The following DNAH10 variants were observed in gnomAD, a reference collection of about 807,000 sequenced individuals.
DNAH10 encodes the protein dynein axonemal heavy chain 10, also known as axonemal beta dynein heavy chain 10.
Under a neutral mutation model 506.6 loss-of-function variants are expected in DNAH10, and 348 were observed. The ratio of observed to expected loss-of-function variants is 0.69; its 90% confidence interval spans 0.63 to 0.75. The LOEUF (loss-of-function observed/expected upper bound fraction) is 0.75, where lower values mean the gene tolerates loss of function less well. Among genes scored for constraint, DNAH10 ranks in the 30% least tolerant of loss-of-function variants. The probability of loss-of-function intolerance (pLI) is 0.00; values close to 1 mark genes in which losing one functional copy is unlikely to be tolerated. For missense variants in DNAH10, 5,179 were observed against 5,787.1 expected, an observed-to-expected ratio of 0.89 and a Z score of 3.41; for synonymous variants, 2,059 against 2,198.6, an observed-to-expected ratio of 0.94 and a Z score of 1.78.
At chr12:123,819,698 C>CTT (rs1959210918) in intron 23 of DNAH10, among the ~76,000 whole-genome samples, 1 of 135,152 alleles carries the variant, frequency 7.4e-6, no homozygotes, top group Non-Finnish European at 1.6e-5. Context: ...TACTAAAATT[C>CTT]TGTTTTTTTT....
chr12:123,847,213 TC>T, intron 32 of DNAH10, among the ~76,000 whole-genome samples: 8 of 146,168 alleles, frequency 5.5e-5, no homozygotes, highest in Non-Finnish European at 1.5e-5. Context: ...CATCCATCCA[TC>T]CTATTATCTA....
intron 52 of DNAH10, among the ~76,000 whole-genome samples, chr12:123,889,987 C>T (rs1372722499): frequency 7.2e-5 from 11 of 152,286 alleles, no homozygotes; most frequent in South Asian, 2.1e-4. Flanking sequence ...CCCCTGTGAT[C>T]GTCTCCAGCC....
intron 38 of DNAH10, among the ~76,000 whole-genome samples, chr12:123,860,109 TC>T (rs1274726720): frequency 6.6e-6 from 1 of 151,798 alleles, no homozygotes; most frequent in Non-Finnish European, 1.5e-5. Context: ...GATTCCTGAC[TC>T]CTCACTTCTC....
chr12:123,809,749 A>G (rs1958857574), intron 19 of DNAH10, among the ~76,000 whole-genome samples: 1 of 152,152 alleles, frequency 6.6e-6, no homozygotes, highest in Admixed American at 6.5e-5. Context: ...CTTGGAACAT[A>G]ATCCAGATAT....
In DNAH10 at chr12:123,800,271, T is replaced by G; in HGVS notation, c.2345T>G (p.Ile782Ser). 9.3e-6 allele frequency: 15 copies of G among 1,614,066 alleles called. No individual in the cohort carries two copies. The highest frequency in any genetic ancestry group is 1.3e-5 in the Non-Finnish European group (15 of 1,180,008). ...STLERGAVFA[I>S]NFSPALREII... is the part of the protein sequence containing the mutation. ...TTAGAAAGGGGAGCTGTTTTTGCAA[T>G]CAACTTTTCACCGGCTCTCAGAGAG... is the stretch of plus-strand genomic sequence containing the variant. Residue 782 changes from isoleucine (I) to serine (S), a missense_variant, in exon 15 of 79, where the codon ATC becomes AGC. Physicochemically the swap from Ile to Ser is moderately radical, Grantham distance 142 (BLOSUM62 -2). Transcript: ENST00000673944.
chr12:123,774,312 C>A (rs1957360439), intron 5 of DNAH10, 48 bp downstream of exon 5: 1 of 1,428,294 alleles, frequency 7.0e-7, no homozygotes, highest in South Asian at 1.3e-5. Flanking sequence ...AAGTTGAGGT[C>A]ATGTGGTTTG....
At chr12:123,865,212 G>A (rs541854892) in intron 40 of DNAH10, among the ~76,000 whole-genome samples, 1 of 152,004 alleles carries the variant, frequency 6.6e-6, no homozygotes, top group Non-Finnish European at 1.5e-5. Context: ...TCTAGAGTTT[G>A]TAATTGCCTT....
chr12:123,847,102 T>TA (rs1950975723), intron 32 of DNAH10, among the ~76,000 whole-genome samples: 1 of 128,110 alleles, frequency 7.8e-6, no homozygotes, highest in African/African-American at 4.6e-5. Flanking sequence ...CTATCTAATC[T>TA]ATCTATCTTA....
intron 26 of DNAH10, among the ~76,000 whole-genome samples, chr12:123,832,068 A>G (rs1039321984): frequency 1.3e-5 from 2 of 152,192 alleles, no homozygotes; most frequent in African/African-American, 2.4e-5. Flanking sequence ...GTAGACACAT[A>G]TGCATGCAAA....
rs568485698 is a variant in DNAH10, at chr12:123,934,714, A to G, written c.13571A>G (p.Asp4524Gly). 4 of 1,605,004 alleles carry G rather than the reference A, an allele frequency of 2.5e-6. No individual in the cohort carries two copies. The African/African-American group carries it at 4.0e-5, about 16-fold the overall frequency. ...AGCAAACCCAAGGTGCTGGTTGTGG[A>G]CCTGCCGATCCTGAAGATCATCCCC... ...IKSKPKVLVV[D>G]LPILKIIPIE... Residue 4524 changes from aspartate (D) to glycine (G), a missense_variant, in exon 78 of 79, where the codon GAC (aspartate) becomes GGC (glycine). Coordinates refer to ENST00000673944, the MANE Select transcript of DNAH10 (RefSeq NM_001372106.1).
At chr12:123,852,835 A>G (rs768982821) in intron 35 of DNAH10, among the ~76,000 whole-genome samples, 20 of 152,166 alleles carry the variant, frequency 1.3e-4, no homozygotes, top group Admixed American at 2.6e-4. Flanking sequence ...TGGCGTCCCA[A>G]AGTGCTGGGA....
At position 123,914,439 on chromosome 12, in the gene DNAH10, G is replaced by GT; in HGVS notation, c.10464dup (p.Asp3489Ter). 6.2e-7 allele frequency: 1 copy of GT among 1,613,768 alleles called. No individual in the cohort carries two copies. The highest frequency in any genetic ancestry group is 8.5e-7 in the Non-Finnish European group (1 of 1,179,908). Reference sequence around the variant, plus strand: ...GAGGGAGCCTTCACCTGGGAGTTCCGTGACGAGATGGTCAATCGGATTTGG... The same window carrying GT: ...GAGGGAGCCTTCACCTGGGAGTTCCGTTGACGAGATGGTCAATCGGATTTGG... On this transcript the variant is annotated frameshift_variant, in exon 61 of 79. Coordinates refer to ENST00000673944, the MANE Select transcript of DNAH10 (RefSeq NM_001372106.1). LOFTEE classifies it high-confidence loss of function.
At chr12:123,901,123 A>G (rs957135886) in intron 56 of DNAH10, among the ~76,000 whole-genome samples, 34 of 152,116 alleles carry the variant, frequency 2.2e-4, no homozygotes, top group African/African-American at 8.0e-4. Flanking sequence ...AGAGCCCACA[A>G]TTTTGCTCCT....
rs1306070868 is a variant in DNAH10, at chr12:123,935,662, ATAC to A, written c.*186_*188del. 1.2e-5 allele frequency: 7 copies of A among 569,716 alleles called. No individual in the cohort carries two copies. Among genetic ancestry groups the A allele is most frequent in the South Asian group, 9.7e-5 (2 of 20,606 alleles). The allele number at this position is 569,716 out of a possible 1,614,324, so 35.3% of individuals were successfully genotyped here. A position where few individuals can be genotyped will look rare whatever the true frequency, so the allele number is the denominator to read the frequency against. ...ATTAACCTGAATGGTTTTGTTTTTAATACTACTTTTTAAAAGGAATTTATATAA... is the reference window on the plus strand; with the variant it reads ...ATTAACCTGAATGGTTTTGTTTTTAATACTTTTTAAAAGGAATTTATATAA... On this transcript the variant is annotated 3_prime_UTR_variant, in exon 79 of 79. Transcript: ENST00000673944.
Position 123,917,514 on chromosome 12 carries a change from A to C in DNAH10, c.11003-70A>C. 1 of 1,462,900 alleles carries C rather than the reference A, an allele frequency of 6.8e-7. No individual in the cohort carries two copies. Among genetic ancestry groups the C allele is most frequent in the South Asian group, 1.2e-5 (1 of 80,114 alleles). The allele number at this position is 1,462,900 out of a possible 1,614,324, so 90.6% of individuals were successfully genotyped here. A position where few individuals can be genotyped will look rare whatever the true frequency, so the allele number is the denominator to read the frequency against. Reference sequence around the variant, plus strand: ...AGACCCGCGCTAAGCTTGTCCCGTCACAGCAGGGCAGCGGGAGAGACTGTT... The same window carrying C: ...AGACCCGCGCTAAGCTTGTCCCGTCCCAGCAGGGCAGCGGGAGAGACTGTT... On this transcript the variant is annotated intron_variant, in intron 63 of 78. Transcript: ENST00000673944. The surrounding 1 kb of genome is among the most constrained non-coding windows in gnomAD (Gnocchi z 5.6).
At chr12:123,930,001 C>T in intron 72 of DNAH10, 9 of 594,198 alleles carry the variant, frequency 1.5e-5, no homozygotes, top group Non-Finnish European at 2.7e-5. Context: ...TCCTCTAGCC[C>T]CTTGCCTCAG....
Position 123,914,825 on chromosome 12 carries a change from T to G in DNAH10, c.10575-27T>G, listed in dbSNP as rs532298547. The G allele has an allele frequency of 2.5e-6, 4 of 1,609,722 alleles. No homozygotes were observed. The African/African-American group carries it at 5.3e-5, about 21-fold the overall frequency. ...TGGCTCACAAATTGGTGAGAAAAAT[T>G]CATTTCCCAATGGCTGTTTCTTCCA... On this transcript the variant is annotated intron_variant, in intron 61 of 78. Transcript: ENST00000673944.
intron 51 of DNAH10, among the ~76,000 whole-genome samples, chr12:123,884,862 A>T (rs1952663305): frequency 6.6e-6 from 1 of 152,220 alleles, no homozygotes; most frequent in South Asian, 2.1e-4. Flanking sequence ...TTGTAATTTC[A>T]TCACCTAAAG....
chr12:123,912,239 A>G (rs1286527265), intron 59 of DNAH10, among the ~76,000 whole-genome samples: 23 of 4,460 alleles, frequency 5.2e-3, no homozygotes, highest in South Asian at 0.014. Context: ...GTCCTGGGGG[A>G]GTCTGTCCTG....
Sources: gnomAD v4.1 joint callset for allele counts (sites outside exome capture counted in the v4.1 genomes callset) on GRCh38, gnomAD v4.1.1 for gene constraint, Gnocchi (gnomAD v3.1) non-coding constraint, MANE v1.5 for transcripts, NCBI Gene and HGNC (gene_info 2026-07-23, HGNC 2026-07-21) for gene names.